The following NOBOX variants were observed in gnomAD, a reference collection of about 807,000 sequenced individuals.
The protein encoded by NOBOX is NOBOX oogenesis homeobox.
Under a neutral mutation model 60.2 loss-of-function variants are expected in NOBOX, and 46 were observed. The observed-to-expected ratio is 0.76, with a 90% CI of 0.60 to 0.98. The LOEUF (loss-of-function observed/expected upper bound fraction) is 0.98, where lower values mean the gene tolerates loss of function less well. Ranked by LOEUF, NOBOX falls within the 50% of genes least tolerant of loss-of-function variation. The pLI, the probability that NOBOX is intolerant of heterozygous loss-of-function variation, is 0.00. For synonymous variants in NOBOX, 360 were observed against 346.3 expected, an observed-to-expected ratio of 1.04 and a Z score of -0.44; for missense variants, 880 against 865.5, an observed-to-expected ratio of 1.02 and a Z score of -0.21.
Position 144,401,408 on chromosome 7 carries a change from G to A in NOBOX, c.482C>T (p.Pro161Leu), listed in dbSNP as rs765778983. 1.2e-6 allele frequency: 2 copies of A among 1,612,302 alleles called. No homozygotes were observed. Among genetic ancestry groups the A allele is most frequent in the African/African-American group, 2.7e-5 (2 of 74,860 alleles). ...TTTGTGGGGAGCCCTGGAGCGGGGG[G>A]GCGGGCACAGTCTCCCAGCATCAGC... is the stretch of plus-strand genomic sequence containing the variant. The change falls in exon 4 of 10, where the codon CCC becomes CTC. Residue 161 changes from proline (P) to leucine (L), a missense_variant. Coordinates refer to ENST00000467773, the MANE Select transcript of NOBOX (RefSeq NM_001080413.3). This position sits in a 1 kb window ranked among gnomAD's most constrained non-coding sequence, Gnocchi z 4.2.
chr7:144,399,832 C>T lies in NOBOX; in HGVS notation c.1079G>A (p.Arg360Gln), dbSNP rs199538689. The T allele has an allele frequency of 5.0e-4, 809 of 1,612,382 alleles. No individual in the cohort carries two copies. Among genetic ancestry groups the T allele is most frequent in the Non-Finnish European group, 6.4e-4 (754 of 1,178,762 alleles). Residue 360 changes from arginine to glutamine, a missense_variant, in exon 6 of 10, where the codon CGA (arginine) becomes CAA (glutamine). Coordinates refer to ENST00000467773, the MANE Select transcript of NOBOX (RefSeq NM_001080413.3). ...TTTCCCATTCAGTTTCTCCATTTTT[C>T]GCCACTTGGCCCGGCGATTCTGGAA...
At chr7:144,400,673 G>A (rs1563128651) in intron 4 of NOBOX, among the ~76,000 whole-genome samples, 2 of 152,224 alleles carry the variant, frequency 1.3e-5, no homozygotes, top group Admixed American at 6.5e-5. Context: ...AAATAGCTGG[G>A]ATTACAGGCA....
rs1181840576 is a variant in NOBOX, at chr7:144,401,969, GA to G, written c.211-20del. On this transcript the variant is annotated intron_variant, in intron 2 of 9. Coordinates refer to ENST00000467773, the MANE Select transcript of NOBOX (RefSeq NM_001080413.3). This position sits in a 1 kb window ranked among gnomAD's most constrained non-coding sequence, Gnocchi z 4.2. ...GTTGGGGCTGCGGATGGACCAGGAA[GA>G]CAAAGAGAAACAGATTGACAGAGAT... The G allele has an allele frequency of 6.3e-7, 1 of 1,578,744 alleles. No homozygotes were observed. The highest frequency in any genetic ancestry group is 1.7e-5 in the Admixed American group (1 of 59,806).
intron 2 of NOBOX, chr7:144,404,513 T>A: frequency 6.4e-7 from 1 of 1,570,578 alleles, no homozygotes; most frequent in Middle Eastern, 1.7e-4. Flanking sequence ...CTTCCCAAAC[T>A]GCTGGAATTA....
rs577191867 is a variant in NOBOX, at chr7:144,399,881, C to T, written c.1048-18G>A. 1 of 1,587,336 alleles carries T rather than the reference C, an allele frequency of 6.3e-7. No homozygotes were observed. The highest frequency in any genetic ancestry group is 8.6e-7 in the Non-Finnish European group (1 of 1,158,154). On this transcript the variant is annotated intron_variant, in intron 5 of 9. Coordinates refer to ENST00000467773, the MANE Select transcript of NOBOX (RefSeq NM_001080413.3). ...AACCACACCTATGGGGGGAAAGGTGCTTGAAGAACTGGAGAAGAGGGGCAG... is the reference window on the plus strand; with the variant it reads ...AACCACACCTATGGGGGGAAAGGTGTTTGAAGAACTGGAGAAGAGGGGCAG...
rs779329205 is a variant in NOBOX, at chr7:144,400,162, C to T, written c.995G>A (p.Gly332Glu). Residue 332 changes from glycine to glutamate, a missense_variant, in exon 5 of 10, where the codon GGG (glycine) becomes GAG (glutamate). Gly to Glu is a moderately conservative substitution (Grantham distance 98). Transcript: ENST00000467773. Reference sequence around the variant, plus strand: ...CAATTCGAGTGTTTCAATGGTGGGCCCTCCGCCACTCCACCCTGCCACCAG... The same window carrying T: ...CAATTCGAGTGTTTCAATGGTGGGCTCTCCGCCACTCCACCCTGCCACCAG... 3 of 1,613,944 alleles carry T rather than the reference C, an allele frequency of 1.9e-6. No homozygotes were observed. In the Admixed American group the frequency reaches 5.0e-5, roughly 27 times the overall value.
intron 4 of NOBOX, 92 bp downstream of exon 2, chr7:144,400,954 C>A: frequency 8.9e-7 from 1 of 1,119,860 alleles, no homozygotes; most frequent in Non-Finnish European, 1.2e-6. Flanking sequence ...AACCCCATCC[C>A]TCAGGTCTCC....
chr7:144,409,810 A>G (rs549601959), intron 1 of NOBOX, among the ~76,000 whole-genome samples: 1 of 152,322 alleles, frequency 6.6e-6, no homozygotes, highest in Non-Finnish European at 1.5e-5. Context: ...TCACAGGAAT[A>G]GACAGGCTGC....
chr7:144,399,934 C>G (rs544920699), intron 5 of NOBOX, 71 bp from the exon 4 acceptor site: 2 of 1,362,622 alleles, frequency 1.5e-6, no homozygotes, highest in Admixed American at 3.9e-5. Context: ...CTGGCTGTTG[C>G]ACAAGGAGCT....
intron 5 of NOBOX, 141 bp downstream of exon 3, chr7:144,400,065 C>T (rs1187161640): frequency 1.9e-6 from 3 of 1,572,976 alleles, no homozygotes; most frequent in East Asian, 4.5e-5. Context: ...ACTCTGGAAA[C>T]AGTCAGGGAC....
Position 144,399,179 on chromosome 7 carries a change from C to A in NOBOX, c.1241-1G>T, listed in dbSNP as rs2053918210. ...TCAGAAGTCAGCAGCATGGGGGGCT[C>A]TAGGAACAGAAGGCAAAGAGGTGCT... On this transcript the variant is annotated splice_acceptor_variant, in intron 7 of 9. Transcript: ENST00000467773. LOFTEE classifies it high-confidence loss of function. The A allele has an allele frequency of 6.7e-7, 1 of 1,497,468 alleles. No homozygotes were observed. The highest frequency in any genetic ancestry group is 9.2e-7 in the Non-Finnish European group (1 of 1,091,906). 92.8% of individuals were successfully genotyped at this position (1,497,468 alleles called of 1,614,324 possible). A position where few individuals can be genotyped will look rare whatever the true frequency, so the allele number is the denominator to read the frequency against.
At chr7:144,409,369 T>C (rs1338176484) in intron 1 of NOBOX, among the ~76,000 whole-genome samples, 2 of 152,132 alleles carry the variant, frequency 1.3e-5, no homozygotes, top group African/African-American at 2.4e-5. Context: ...AACTGAAAAA[T>C]GAAGAAGATG....
intron 4 of NOBOX, 46 bp downstream of exon 2, chr7:144,401,000 C>T: frequency 1.4e-6 from 2 of 1,433,878 alleles, no homozygotes; most frequent in Non-Finnish European, 1.8e-6. Context: ...CACCTTTCCC[C>T]AGGATGACCC....
At chr7:144,400,419 C>A in intron 4 of NOBOX, 107 bp from the exon 3 acceptor site, 1 of 959,438 alleles carries the variant, frequency 1.0e-6, no homozygotes, top group East Asian at 2.5e-5. Flanking sequence ...GCCACTGCCC[C>A]TAACCCAACA....
chr7:144,409,885 C>T (rs184477895), intron 1 of NOBOX, among the ~76,000 whole-genome samples: 166 of 152,298 alleles, frequency 1.1e-3, no homozygotes, highest in African/African-American at 3.7e-3. Flanking sequence ...AGGTCGTAAA[C>T]CTGACAGCCA....
At position 144,398,528 on chromosome 7, in the gene NOBOX, G is replaced by C. The variant is rs1303597209; in HGVS notation, c.1528C>G (p.Gln510Glu). Residue 510 changes from glutamine (Q) to glutamate (E), a missense_variant, in exon 9 of 10, where the codon CAG becomes GAG. Gln to Glu is a conservative substitution (Grantham distance 29). Coordinates refer to ENST00000467773, the MANE Select transcript of NOBOX (RefSeq NM_001080413.3). ...TGGAAGGGTCCTGGCTGGTTGCTCT[G>C]TTGGTAATCCTGGGGCTCCAGCTCC... The C allele has an allele frequency of 1.3e-6, 2 of 1,536,718 alleles. No individual in the cohort carries two copies. The highest frequency in any genetic ancestry group is 2.4e-5 in the South Asian group (2 of 84,026).
At position 144,401,577 on chromosome 7, in the gene NOBOX, G is replaced by T; in HGVS notation, c.313C>A (p.Pro105Thr). 6.6e-7 allele frequency: 1 copy of T among 1,507,686 alleles called. No homozygotes were observed. 93.4% of individuals were successfully genotyped at this position (1,507,686 alleles called of 1,614,324 possible). A position where few individuals can be genotyped will look rare whatever the true frequency, so the allele number is the denominator to read the frequency against. Reference sequence around the variant, plus strand: ...TCCTCCCCGGGTCCTGCAGCCAGGGGCTTCTCTCCAGCTTTCTGGCCTGTG... The same window carrying T: ...TCCTCCCCGGGTCCTGCAGCCAGGGTCTTCTCTCCAGCTTTCTGGCCTGTG... The change falls in exon 4 of 10, where the codon CCC becomes ACC. Residue 105 changes from proline to threonine, a missense_variant. By Grantham distance (38) the Pro-to-Thr change is conservative. Transcript: ENST00000467773. The surrounding 1 kb of genome is among the most constrained non-coding windows in gnomAD (Gnocchi z 4.2).
rs376168456 is a variant in NOBOX at position 144,398,969 on chromosome 7, A to G, written c.1450T>C (p.Cys484Arg). The change falls in exon 8 of 10, where the codon TGT becomes CGT. Residue 484 changes from cysteine to arginine, a missense_variant. Physicochemically the swap from Cys to Arg is radical, Grantham distance 180. Coordinates refer to ENST00000467773, the MANE Select transcript of NOBOX (RefSeq NM_001080413.3). Reference sequence around the variant, plus strand: ...CCTTACCTTGTCCCCCAGGACCCACAGGGGCCGTCCTTGTGGCTGCTGTCA... The same window carrying G: ...CCTTACCTTGTCCCCCAGGACCCACGGGGGCCGTCCTTGTGGCTGCTGTCA... The G allele has an allele frequency of 1.5e-5, 23 of 1,563,862 alleles. No individual in the cohort carries two copies. In the African/African-American group the frequency reaches 3.1e-4, roughly 21 times the overall value.
chr7:144,409,361 C>T (rs2054006850), intron 1 of NOBOX, among the ~76,000 whole-genome samples: 1 of 152,172 alleles, frequency 6.6e-6, no homozygotes, highest in Non-Finnish European at 1.5e-5. Flanking sequence ...TACCGAACAA[C>T]TGAAAAATGA....
Sources: gnomAD v4.1 joint callset for allele counts (sites outside exome capture counted in the v4.1 genomes callset) on GRCh38, gnomAD v4.1.1 for gene constraint, Gnocchi (gnomAD v3.1) non-coding constraint, MANE v1.5 for transcripts, NCBI Gene and HGNC (gene_info 2026-07-23, HGNC 2026-07-21) for gene names.